ZNF107: variants seen among roughly 807,000 people sequenced by gnomAD.
ZNF107 encodes zinc finger protein 107.
A neutral mutation model predicts 12.3 loss-of-function variants in ZNF107; 19 were observed. That is an observed-to-expected ratio of 1.55 (90% CI 1.08 to 2.27). The LOEUF (loss-of-function observed/expected upper bound fraction) is 2.27. ZNF107 is among the 30% of genes most tolerant of loss of function. ZNF107 has a pLI of 0.00. For synonymous variants in ZNF107, 317 were observed against 330.5 expected, an observed-to-expected ratio of 0.96 and a Z score of 0.44; for missense variants, 958 against 979.9, an observed-to-expected ratio of 0.98 and a Z score of 0.30.
intron 1 of ZNF107, among the ~76,000 whole-genome samples, chr7:64,683,812 T>C (rs546538053): frequency 4.4e-4 from 67 of 152,302 alleles, no homozygotes; most frequent in African/African-American, 1.5e-3. Context: ...ATTGGCAAAT[T>C]GACTTCACTC....
intron 1 of ZNF107, chr7:64,689,921 A>G (rs1790058821): frequency 6.6e-6 from 1 of 152,198 alleles, no homozygotes; most frequent in Admixed American, 6.5e-5. Flanking sequence ...TGATAGTTGG[A>G]TGAAAAACAA....
At chr7:64,676,177 G>A (rs1047692034) in intron 1 of ZNF107, among the ~76,000 whole-genome samples, 4 of 152,128 alleles carry the variant, frequency 2.6e-5, no homozygotes, top group Non-Finnish European at 2.9e-5. Context: ...GTATGTAATT[G>A]TATGGTTTCA....
rs1790643525 is a variant in ZNF107 at position 64,706,409 on chromosome 7, A to C, written c.312A>C (p.Gly104=). The change falls in exon 4 of 4, where the codon GGA becomes GGC. Residue 104 remains glycine, a synonymous_variant. Transcript: ENST00000620827. ...AGAAAGTGACACTGAGAAGATACGG[A>C]AAATGTGAATATGAGAATTTACAGT... ...SFQKVTLRRY[G]KCEYENLQLR... is the part of the protein sequence containing the mutation. 1.9e-6 allele frequency: 3 copies of C among 1,613,392 alleles called. No individual in the cohort carries two copies. In the South Asian group the frequency reaches 3.3e-5, roughly 18 times the overall value.
In ZNF107 at chr7:64,709,377, T is replaced by G; in HGVS notation, c.*721T>G. 2.9e-6 allele frequency: 1 copy of G among 339,254 alleles called. No homozygotes were observed. The highest frequency in any genetic ancestry group is 5.7e-6 in the Non-Finnish European group (1 of 175,834). The allele number at this position is 339,254 out of a possible 1,614,324, so 21.0% of individuals were successfully genotyped here. On this transcript the variant is annotated 3_prime_UTR_variant, in exon 4 of 4. Coordinates refer to ENST00000620827, the MANE Select transcript of ZNF107 (RefSeq NM_001282359.2). ...ACAGTTTATACTTTGAGAGAAACCC[T>G]GCAAATGTGAATAATGTGGCAATAC...
At chr7:64,690,579 C>A (rs1790082527) in intron 1 of ZNF107, 1 of 956,956 alleles carries the variant, frequency 1.0e-6, no homozygotes, top group African/African-American at 1.8e-5. Flanking sequence ...CCAGTATTTG[C>A]AGAGACATTC....
chr7:64,693,696 G>A (rs1790194533), intron 3 of ZNF107, among the ~76,000 whole-genome samples: 3 of 152,116 alleles, frequency 2.0e-5, no homozygotes, highest in African/African-American at 2.4e-5. Context: ...TTTTGCAGTC[G>A]GGTCTGCATA....
At chr7:64,704,387 A>C (rs1474485732) in intron 3 of ZNF107, among the ~76,000 whole-genome samples, 3 of 152,140 alleles carry the variant, frequency 2.0e-5, no homozygotes, top group Non-Finnish European at 2.9e-5. Context: ...CTGGGATTAC[A>C]GGCATGCACC....
At chr7:64,685,024 C>T (rs564075779) in intron 1 of ZNF107, among the ~76,000 whole-genome samples, 9 of 152,160 alleles carry the variant, frequency 5.9e-5, no homozygotes, top group Non-Finnish European at 1.2e-4. Flanking sequence ...CTACCACCCT[C>T]GTAATGAAGG....
rs751326022 is a variant in ZNF107, at chr7:64,707,292, T to C, written c.1195T>C (p.Cys399Arg). 1 of 1,613,332 alleles carries C rather than the reference T, an allele frequency of 6.2e-7. No homozygotes were observed. The highest frequency in any genetic ancestry group is 8.5e-7 in the Non-Finnish European group (1 of 1,179,738). Reference protein sequence around the residue: ...KILMEEKPYKCEECGKVFNQF... With the variant: ...KILMEEKPYKREECGKVFNQF... ...TCTAATGGAAGAGAAACCCTACAAA[T>C]GTGAAGAATGTGGCAAAGTCTTTAA... Residue 399 changes from cysteine (C) to arginine (R), a missense_variant, in exon 4 of 4, where the codon TGT becomes CGT. Coordinates refer to ENST00000620827, the MANE Select transcript of ZNF107 (RefSeq NM_001282359.2).
At chr7:64,684,841 G>T in intron 1 of ZNF107, 2 of 537,626 alleles carry the variant, frequency 3.7e-6, no homozygotes. Flanking sequence ...TGGCATGGCC[G>T]CACTCCCACT....
chr7:64,700,401 T>G (rs942964652), intron 3 of ZNF107, among the ~76,000 whole-genome samples: 1 of 152,110 alleles, frequency 6.6e-6, no homozygotes, highest in Admixed American at 6.5e-5. Context: ...TCAGTTATTC[T>G]TTGCCTTCCA....
At chr7:64,666,410 G>A (rs1161126656) in intron 1 of ZNF107, 125 bp downstream of exon 1, 10 of 1,333,604 alleles carry the variant, frequency 7.5e-6, no homozygotes, top group Non-Finnish European at 1.0e-5. Flanking sequence ...GCGCAGCTCG[G>A]CCCTCAGTCC....
chr7:64,678,836 A>G (rs911095890), intron 1 of ZNF107: 4 of 152,116 alleles, frequency 2.6e-5, no homozygotes, highest in Non-Finnish European at 5.9e-5. Context: ...TGCTGCTATT[A>G]CAAGACAAAT....
At position 64,707,190 on chromosome 7, in the gene ZNF107, G is replaced by A. The variant is rs1562846389; in HGVS notation, c.1093G>A (p.Gly365Arg). 1 of 1,613,576 alleles carries A rather than the reference G, an allele frequency of 6.2e-7. No homozygotes were observed. The highest frequency in any genetic ancestry group is 8.5e-7 in the Non-Finnish European group (1 of 1,179,782). The change falls in exon 4 of 4, where the codon GGA (glycine) becomes AGA (arginine). Residue 365 changes from glycine (G) to arginine (R), a missense_variant. Physicochemically the swap from Gly to Arg is moderately radical, Grantham distance 125 (BLOSUM62 -2). Coordinates refer to ENST00000620827, the MANE Select transcript of ZNF107 (RefSeq NM_001282359.2). ...NLNKQEKIHTGGKLNKCEECD... is the reference protein window; with the variant it reads ...NLNKQEKIHTRGKLNKCEECD... ...TAATAAACAGGAGAAAATTCATACT[G>A]GAGGGAAACTCAACAAATGTGAAGA...
intron 1 of ZNF107, among the ~76,000 whole-genome samples, chr7:64,670,662 A>G (rs1789186770): frequency 6.6e-6 from 1 of 152,212 alleles, no homozygotes; most frequent in South Asian, 2.1e-4. Flanking sequence ...GTTCCTGGAG[A>G]ACACAAAGGA....
intron 3 of ZNF107, among the ~76,000 whole-genome samples, chr7:64,696,101 T>G (rs1197021788): frequency 5.9e-5 from 9 of 151,962 alleles, no homozygotes; most frequent in Non-Finnish European, 1.5e-5. Context: ...CTCGCTCTGT[T>G]GCCCAGCTAA....
rs773871301 is a variant in ZNF107, at chr7:64,708,081, T to G, written c.1984T>G (p.Ser662Ala). 6 of 1,613,420 alleles carry G rather than the reference T, an allele frequency of 3.7e-6. No homozygotes were observed. In the East Asian group the frequency reaches 1.3e-4, roughly 36 times the overall value. Residue 662 changes from serine (S) to alanine (A), a missense_variant, in exon 4 of 4, where the codon TCA (serine) becomes GCA (alanine). Ser to Ala is a moderately conservative substitution (Grantham distance 99). Coordinates refer to ENST00000620827, the MANE Select transcript of ZNF107 (RefSeq NM_001282359.2). ...EEHGKAFNLF[S>A]NITNHKIIYT... ...ACATGGAAAAGCTTTTAACCTATTC[T>G]CAAACATTACTAACCATAAGATAAT...
At chr7:64,694,651 T>C (rs1052131562) in intron 3 of ZNF107, among the ~76,000 whole-genome samples, 1 of 152,160 alleles carries the variant, frequency 6.6e-6, no homozygotes, top group Non-Finnish European at 1.5e-5. Flanking sequence ...GCAGGTGTGA[T>C]ACATGATGCC....
intron 1 of ZNF107, among the ~76,000 whole-genome samples, chr7:64,676,401 G>C (rs1020539460): frequency 4.6e-5 from 7 of 152,218 alleles, no homozygotes; most frequent in African/African-American, 1.7e-4. Flanking sequence ...ATTTGGTCAA[G>C]TGTTACATTT....
Sources: allele counts gnomAD v4.1 joint callset (sites outside exome capture counted in the v4.1 genomes callset), GRCh38; gene constraint gnomAD v4.1.1; transcripts MANE v1.5; gene names NCBI Gene and HGNC (gene_info 2026-07-23, HGNC 2026-07-21).